Variants in RABL3 observed in about 807,000 individuals in gnomAD.
RABL3 encodes RAB, member of RAS oncogene family like 3.
A neutral mutation model predicts 31.8 loss-of-function variants in RABL3; 31 were observed. The ratio of observed to expected loss-of-function variants is 0.97; its 90% CI spans 0.73 to 1.31. The LOEUF (loss-of-function observed/expected upper bound fraction) is 1.31, where lower values mean the gene tolerates loss of function less well. Among genes scored for constraint, RABL3 ranks in the 40% most tolerant of loss-of-function variants. The pLI is 0.00. For missense variants in RABL3, 263 were observed against 279.6 expected (o/e 0.94, Z 0.42); for synonymous variants, 97 against 99.9 (o/e 0.97, Z 0.18).
chr3:120,711,267 G>A (rs559890606), intron 2 of RABL3, among the ~76,000 whole-genome samples: 2 of 152,102 alleles, frequency 1.3e-5, no homozygotes, highest in South Asian at 4.1e-4. Context: ...TATTCTTCCA[G>A]TTACTTGGGC....
chr3:120,709,840 A>G lies in RABL3; in HGVS notation c.208T>C (p.Ser70Pro). ...YYIELWDVGG[S>P]VGSASSVKST... Reference sequence around the variant, plus strand: ...TTCACGCTGCTGGCACTGCCCACAGAGCCTCCAACATCCCATAATTCTATG... The same window carrying G: ...TTCACGCTGCTGGCACTGCCCACAGGGCCTCCAACATCCCATAATTCTATG... Residue 70 changes from serine to proline, a missense_variant, in exon 3 of 8, where the codon TCT (serine) becomes CCT (proline). Physicochemically the swap from Ser to Pro is moderately conservative, Grantham distance 74. Transcript: ENST00000273375. 6.2e-7 allele frequency: 1 copy of G among 1,611,628 alleles called. No homozygotes were observed. Among genetic ancestry groups the G allele is most frequent in the Non-Finnish European group, 8.5e-7 (1 of 1,177,866 alleles).
At chr3:120,707,309 A>G (rs1348054792) in intron 3 of RABL3, among the ~76,000 whole-genome samples, 1 of 152,078 alleles carries the variant, frequency 6.6e-6, no homozygotes, top group African/African-American at 2.4e-5. Context: ...ATCCAATTGT[A>G]CCCACTCTTC....
chr3:120,715,016 A>G (rs1708652042), intron 2 of RABL3, among the ~76,000 whole-genome samples: 1 of 152,178 alleles, frequency 6.6e-6, no homozygotes, highest in Admixed American at 6.6e-5. Context: ...CCAGGTGGCT[A>G]GCTCACAGAT....
chr3:120,687,267 C>T lies in RABL3; in HGVS notation c.*2556G>A, dbSNP rs1295746686. ...AAAATCTTTATTTCTACCAACTTGT[C>T]CCATCAAGAGAGTAAGATATACATA... is the stretch of plus-strand genomic sequence containing the variant. On this transcript the variant is annotated 3_prime_UTR_variant, in exon 8 of 8. Coordinates refer to ENST00000273375, the MANE Select transcript of RABL3 (RefSeq NM_173825.5). 3.3e-5 allele frequency: 5 copies of T among 152,098 alleles called. No homozygotes were observed. Among genetic ancestry groups the T allele is most frequent in the Non-Finnish European group, 5.9e-5 (4 of 68,026 alleles). 9.4% of individuals were successfully genotyped at this position (152,098 alleles called of 1,614,324 possible).
chr3:120,739,174 C>T (rs1209188652), intron 1 of RABL3, among the ~76,000 whole-genome samples: 5 of 152,198 alleles, frequency 3.3e-5, no homozygotes, highest in African/African-American at 7.2e-5. Context: ...GTCAGGAGTT[C>T]GAGACCAGCC....
At chr3:120,741,588 C>T (rs1025125916) in intron 1 of RABL3, among the ~76,000 whole-genome samples, 1 of 152,078 alleles carries the variant, frequency 6.6e-6, no homozygotes, top group Admixed American at 6.6e-5. Flanking sequence ...AAGATAAGGG[C>T]AGTGAGGTGG....
intron 4 of RABL3, among the ~76,000 whole-genome samples, chr3:120,698,820 G>C (rs528477631): frequency 1.3e-4 from 19 of 151,956 alleles, no homozygotes; most frequent in Non-Finnish European, 2.5e-4. Context: ...ATTGAATATT[G>C]AACAATACTG....
At chr3:120,702,482 G>A (rs375166071) in intron 4 of RABL3, among the ~76,000 whole-genome samples, 71 of 152,168 alleles carry the variant, frequency 4.7e-4, no homozygotes, top group African/African-American at 1.6e-3. Flanking sequence ...ACCTCCCACT[G>A]TGTGGCCTGG....
intron 4 of RABL3, among the ~76,000 whole-genome samples, chr3:120,702,147 T>C (rs1280856767): frequency 6.6e-6 from 1 of 152,208 alleles, no homozygotes; most frequent in Admixed American, 6.5e-5. Flanking sequence ...GTAAGCCAGC[T>C]TCTGAGCAAT....
chr3:120,720,071 AC>A (rs1708719592), intron 2 of RABL3, among the ~76,000 whole-genome samples: 2 of 152,230 alleles, frequency 1.3e-5, no homozygotes, highest in Non-Finnish European at 2.9e-5. Context: ...ACCCAGGCAA[AC>A]AGGGTCTGGA....
chr3:120,702,399 A>G (rs1239531630), intron 4 of RABL3, among the ~76,000 whole-genome samples: 1 of 152,056 alleles, frequency 6.6e-6, no homozygotes, highest in Non-Finnish European at 1.5e-5. Flanking sequence ...TCACGCTCCT[A>G]TGAGAATCTA....
intron 1 of RABL3, among the ~76,000 whole-genome samples, chr3:120,734,926 T>C (rs1203608364): frequency 6.6e-6 from 1 of 152,234 alleles, no homozygotes; most frequent in East Asian, 1.9e-4. Context: ...CTTTTTGATG[T>C]GCTGCTGGAT....
chr3:120,707,601 T>C (rs1708563771), intron 3 of RABL3, among the ~76,000 whole-genome samples: 2 of 152,184 alleles, frequency 1.3e-5, no homozygotes, highest in East Asian at 3.9e-4. Flanking sequence ...TAAAGACTGG[T>C]GGTAAGCAGA....
chr3:120,734,971 T>C (rs1708937312), intron 1 of RABL3, among the ~76,000 whole-genome samples: 1 of 152,236 alleles, frequency 6.6e-6, no homozygotes, highest in South Asian at 2.1e-4. Context: ...GATTTTTGCA[T>C]TGATGTTCAT....
intron 2 of RABL3, among the ~76,000 whole-genome samples, chr3:120,725,477 G>T (rs1708806748): frequency 6.6e-6 from 1 of 152,142 alleles, no homozygotes; most frequent in African/African-American, 2.4e-5. Context: ...AAATCATGCT[G>T]CTATAAAGAC....
chr3:120,736,321 T>A (rs1293349860), intron 1 of RABL3, among the ~76,000 whole-genome samples: 5 of 152,224 alleles, frequency 3.3e-5, no homozygotes, highest in Non-Finnish European at 1.5e-5. Flanking sequence ...TCTCTTTTGA[T>A]CTTTGTTGTT....
At chr3:120,717,427 T>C (rs190842353) in intron 2 of RABL3, among the ~76,000 whole-genome samples, 71 of 152,308 alleles carry the variant, frequency 4.7e-4, no homozygotes, top group African/African-American at 1.6e-3. Context: ...GCCACACTCA[T>C]TCCAGTAAAC....
At chr3:120,716,576 T>A (rs1009261301) in intron 2 of RABL3, among the ~76,000 whole-genome samples, 5 of 151,598 alleles carry the variant, frequency 3.3e-5, no homozygotes, top group Non-Finnish European at 5.9e-5. Flanking sequence ...GTAACAAACC[T>A]GCACATTGTG....
In RABL3 at chr3:120,689,535, A is replaced by G; in HGVS notation, c.*288T>C. On this transcript the variant is annotated 3_prime_UTR_variant, in exon 8 of 8. Transcript: ENST00000273375. ...CAAGAGTAAATTTTCTCTGCAGTAC[A>G]CTGTCATTGCTCATTTACTGCATCA... 3.7e-6 allele frequency: 1 copy of G among 271,964 alleles called. No individual in the cohort carries two copies. The allele number at this position is 271,964 out of a possible 1,614,324, so 16.8% of individuals were successfully genotyped here.
Sources: gnomAD v4.1 joint callset for allele counts (sites outside exome capture counted in the v4.1 genomes callset) on GRCh38, gnomAD v4.1.1 for gene constraint, MANE v1.5 for transcripts, NCBI Gene and HGNC (gene_info 2026-07-23, HGNC 2026-07-21) for gene names.